The following DAOA variants were observed in gnomAD, a reference collection of about 807,000 sequenced individuals.
DAOA encodes the protein D-amino acid oxidase activator, also known as D-amino acid oxidase regulator.
In DAOA, 15 loss-of-function variants were observed where a neutral mutation model predicts 16.4. The ratio of observed to expected loss-of-function variants is 0.91; its 90% CI spans 0.61 to 1.41. The LOEUF (loss-of-function observed/expected upper bound fraction) is 1.41, where lower values mean the gene tolerates loss of function less well. DAOA is among the 40% of genes most tolerant of loss of function. The pLI is 0.00. For missense variants in DAOA, 230 were observed against 176.8 expected (o/e 1.30, Z -1.71); for synonymous variants, 75 against 59.1 (o/e 1.27, Z -1.23).
chr13:105,485,636 A>T (rs1203149486), intron 4 of DAOA, among the ~76,000 whole-genome samples: 1 of 152,154 alleles, frequency 6.6e-6, no homozygotes, highest in African/African-American at 2.4e-5. Context: ...TTGCAGATGT[A>T]ATCAGTTAAA....
At chr13:105,475,904 A>G (rs1183175749) in intron 4 of DAOA, among the ~76,000 whole-genome samples, 5 of 152,198 alleles carry the variant, frequency 3.3e-5, no homozygotes, top group South Asian at 4.1e-4. Flanking sequence ...AATGGCTTCA[A>G]TTATTCACAT....
intron 4 of DAOA, among the ~76,000 whole-genome samples, chr13:105,478,174 G>T (rs1877474218): frequency 6.6e-6 from 1 of 152,178 alleles, no homozygotes; most frequent in South Asian, 2.1e-4. Context: ...CAATACAGCT[G>T]CACTTCAATG....
At chr13:105,480,542 A>G (rs1368100149) in intron 4 of DAOA, among the ~76,000 whole-genome samples, 1 of 140,418 alleles carries the variant, frequency 7.1e-6, no homozygotes, top group Non-Finnish European at 1.6e-5. Flanking sequence ...ATAGATAGAT[A>G]GATAGATAGA....
chr13:105,489,287 C>A (rs1365400099), intron 4 of DAOA, among the ~76,000 whole-genome samples: 1 of 152,138 alleles, frequency 6.6e-6, no homozygotes, highest in Non-Finnish European at 1.5e-5. Context: ...ATTCCTGCTC[C>A]AAAATTCTTT....
chr13:105,472,416 T>G, intron 3 of DAOA, 122 bp from the exon 4 acceptor site: 1 of 1,360,384 alleles, frequency 7.4e-7, no homozygotes, highest in Non-Finnish European at 9.7e-7. Flanking sequence ...ACCAAAAACC[T>G]CTGAAAAATT....
intron 3 of DAOA, among the ~76,000 whole-genome samples, chr13:105,468,666 G>A (rs1036880885): frequency 1.3e-5 from 2 of 152,166 alleles, no homozygotes; most frequent in Non-Finnish European, 2.9e-5. Flanking sequence ...AAAATAATTA[G>A]AAACAATTTT....
chr13:105,476,448 CA>C lies in DAOA; in HGVS notation c.281+3769del. Among the ~76,000 whole-genome samples the C allele has an allele frequency of 3.7e-5, 5 of 134,954 alleles. No homozygotes were observed. The East Asian group carries it at 6.4e-4, about 17-fold the overall frequency. The allele number at this position is 134,954 out of a possible 152,430, so 88.5% of individuals were successfully genotyped here. On this transcript the variant is annotated intron_variant, in intron 4 of 5. Transcript: ENST00000375936. ...TTTTTATAGAGAATAAAAACAACAA[CA>C]AAAAAGCCTTTTCGTTATAAAACGT... is the stretch of plus-strand genomic sequence containing the variant.
intron 4 of DAOA, among the ~76,000 whole-genome samples, chr13:105,480,701 T>C (rs1877679373): frequency 6.6e-6 from 1 of 152,030 alleles, no homozygotes; most frequent in South Asian, 2.1e-4. Flanking sequence ...CAGACCAAGA[T>C]CTAAGGAGTA....
At chr13:105,478,929 C>T (rs1435322114) in intron 4 of DAOA, among the ~76,000 whole-genome samples, 2 of 152,182 alleles carry the variant, frequency 1.3e-5, no homozygotes, top group Non-Finnish European at 1.5e-5. Flanking sequence ...CTTGTCTACT[C>T]ATTTGTGTTG....
intron 3 of DAOA, among the ~76,000 whole-genome samples, chr13:105,470,478 C>G (rs1480081244): frequency 6.6e-6 from 1 of 152,112 alleles, no homozygotes; most frequent in African/African-American, 2.4e-5. Context: ...ACATTATCTA[C>G]TATTTATTAC....
chr13:105,483,258 T>C (rs7332963), intron 4 of DAOA, among the ~76,000 whole-genome samples: 50,564 of 152,102 alleles, frequency 0.33, 10,072 homozygotes, highest in East Asian at 0.59. Flanking sequence ...CCTCTGTTGA[T>C]GGGCATTAGA....
chr13:105,488,162 C>T (rs918527613), intron 4 of DAOA, among the ~76,000 whole-genome samples: 23 of 152,174 alleles, frequency 1.5e-4, no homozygotes, highest in African/African-American at 4.8e-4. Flanking sequence ...TAATTTCAAT[C>T]TGGTCTTCTT....
At position 105,490,093 on chromosome 13, in the gene DAOA, G is replaced by GA. The variant is rs1432219828; in HGVS notation, c.*13dup. On this transcript the variant is annotated 3_prime_UTR_variant, in exon 5 of 6. Transcript: ENST00000375936. ...CCAAAGCTGAATGAGTTTGGAAGCAGATTCTTCCCAGCCAATCCTTCTGAT... is the reference window on the plus strand; with the variant it reads ...CCAAAGCTGAATGAGTTTGGAAGCAGAATTCTTCCCAGCCAATCCTTCTGAT... 2 of 1,545,964 alleles carry GA rather than the reference G, an allele frequency of 1.3e-6. No individual in the cohort carries two copies. The highest frequency in any genetic ancestry group is 1.7e-6 in the Non-Finnish European group (2 of 1,142,932).
intron 3 of DAOA, among the ~76,000 whole-genome samples, chr13:105,470,473 A>G (rs1876853007): frequency 6.6e-6 from 1 of 152,196 alleles, no homozygotes; most frequent in South Asian, 2.1e-4. Flanking sequence ...CATTAACATT[A>G]TCTACTATTT....
At chr13:105,480,356 A>C (rs970208980) in intron 4 of DAOA, among the ~76,000 whole-genome samples, 2 of 151,992 alleles carry the variant, frequency 1.3e-5, no homozygotes, top group Non-Finnish European at 2.9e-5. Context: ...GGAATTTTAC[A>C]TGTGTTTTTG....
At chr13:105,469,433 A>G (rs1367551806) in intron 3 of DAOA, among the ~76,000 whole-genome samples, 1 of 152,246 alleles carries the variant, frequency 6.6e-6, no homozygotes, top group Non-Finnish European at 1.5e-5. Flanking sequence ...TCTTTCAGGT[A>G]TTCACCAAAT....
intron 4 of DAOA, among the ~76,000 whole-genome samples, chr13:105,480,179 A>G (rs900529790): frequency 2.6e-5 from 4 of 152,206 alleles, no homozygotes; most frequent in South Asian, 4.1e-4. Context: ...ATTCCCTGTC[A>G]TTAAAATTTC....
intron 4 of DAOA, among the ~76,000 whole-genome samples, chr13:105,479,813 T>C (rs1450359350): frequency 6.6e-6 from 1 of 152,188 alleles, no homozygotes; most frequent in East Asian, 1.9e-4. Flanking sequence ...CTTTCGTGAA[T>C]TTTAAGAAAC....
At chr13:105,471,438 C>A (rs1412214107) in intron 3 of DAOA, among the ~76,000 whole-genome samples, 1 of 152,010 alleles carries the variant, frequency 6.6e-6, no homozygotes, top group East Asian at 1.9e-4. Context: ...CTAGATGATA[C>A]CAAGAGGGCT....
Sources: allele counts gnomAD v4.1 joint callset (sites outside exome capture counted in the v4.1 genomes callset), GRCh38; gene constraint gnomAD v4.1.1; transcripts MANE v1.5; gene names NCBI Gene and HGNC (gene_info 2026-07-23, HGNC 2026-07-21).